The following UBE2E2 variants were observed in gnomAD, a reference collection of about 807,000 sequenced individuals.
UBE2E2 encodes ubiquitin-conjugating enzyme E2 E2.
In UBE2E2, 6 loss-of-function variants were observed where a neutral mutation model predicts 24.7. The ratio of observed to expected loss-of-function variants is 0.24; its 90% CI spans 0.13 to 0.48. The LOEUF is 0.48. Among genes scored for constraint, UBE2E2 ranks in the 20% least tolerant of loss-of-function variants. The pLI is 0.99. For synonymous variants in UBE2E2, 104 were observed against 83.6 expected (o/e 1.24, Z -1.33); for missense variants, 169 against 245.0 (o/e 0.69, Z 2.07).
At chr3:23,478,915 G>A (rs545372496) in intron 3 of UBE2E2, among the ~76,000 whole-genome samples, 1 of 150,876 alleles carries the variant, frequency 6.6e-6, no homozygotes, top group South Asian at 2.1e-4. Context: ...TTAATTAGCT[G>A]AGCATGGTGG....
intron 3 of UBE2E2, among the ~76,000 whole-genome samples, chr3:23,227,779 AGAGGGAGT>A: frequency 6.6e-6 from 1 of 152,284 alleles, no homozygotes; most frequent in African/African-American, 2.4e-5. Context: ...GTACTGTGTG[AGAGGGAGT>A]GAGGGAGCAT....
chr3:23,499,562 C>G (rs1699675043), intron 3 of UBE2E2, 46 bp from the exon 4 acceptor site: 1 of 1,572,456 alleles, frequency 6.4e-7, no homozygotes, highest in South Asian at 1.2e-5. Flanking sequence ...AAATTCCAGC[C>G]TTTATGTAAT....
At chr3:23,582,005 T>G (rs1696488102) in intron 5 of UBE2E2, among the ~76,000 whole-genome samples, 1 of 152,156 alleles carries the variant, frequency 6.6e-6, no homozygotes, top group African/African-American at 2.4e-5. Flanking sequence ...CAGTTGGTTT[T>G]GTCACCCAGG....
intron 3 of UBE2E2, among the ~76,000 whole-genome samples, chr3:23,290,336 T>C (rs1698730645): frequency 6.6e-6 from 1 of 152,214 alleles, no homozygotes. Context: ...CTAGTCTAGA[T>C]CACTGTTTCT....
intron 5 of UBE2E2, among the ~76,000 whole-genome samples, chr3:23,568,959 C>A (rs1331209289): frequency 6.6e-6 from 1 of 151,614 alleles, no homozygotes. Context: ...AGTTATAAGA[C>A]CAAGCAATCC....
At chr3:23,360,837 G>A (rs1231783546) in intron 3 of UBE2E2, among the ~76,000 whole-genome samples, 1 of 150,028 alleles carries the variant, frequency 6.7e-6, no homozygotes, top group African/African-American at 2.5e-5. Flanking sequence ...TAAATAAATG[G>A]GACCTAATTA....
At chr3:23,484,306 A>C (rs1426508906) in intron 3 of UBE2E2, among the ~76,000 whole-genome samples, 4 of 152,044 alleles carry the variant, frequency 2.6e-5, no homozygotes, top group Non-Finnish European at 1.5e-5. Context: ...TCATGTCAGA[A>C]CCTCCTGTGG....
At chr3:23,443,270 C>G (rs1033863238) in intron 3 of UBE2E2, among the ~76,000 whole-genome samples, 11 of 152,192 alleles carry the variant, frequency 7.2e-5, no homozygotes, top group African/African-American at 2.7e-4. Flanking sequence ...TGTCTTAGCT[C>G]AGCTTCCCCA....
intron 3 of UBE2E2, among the ~76,000 whole-genome samples, chr3:23,495,341 T>C (rs886831682): frequency 1.3e-5 from 2 of 152,198 alleles, no homozygotes; most frequent in Admixed American, 6.5e-5. Context: ...ACTGCTGTCT[T>C]CTGCTTCAGA....
At chr3:23,419,782 TG>T (rs1288905862) in intron 3 of UBE2E2, among the ~76,000 whole-genome samples, 2 of 152,198 alleles carry the variant, frequency 1.3e-5, no homozygotes, top group African/African-American at 4.8e-5. Context: ...AATGAGTCTT[TG>T]GTTTCAATGA....
intron 4 of UBE2E2, among the ~76,000 whole-genome samples, chr3:23,526,626 G>T (rs1695005334): frequency 6.6e-6 from 1 of 152,152 alleles, no homozygotes. Flanking sequence ...AGAGGAGATT[G>T]CTTACATTTC....
At chr3:23,508,612 C>T (rs1694510211) in intron 4 of UBE2E2, among the ~76,000 whole-genome samples, 1 of 152,174 alleles carries the variant, frequency 6.6e-6, no homozygotes, top group South Asian at 2.1e-4. Flanking sequence ...GGTGGTGAAT[C>T]AGCCACTCTG....
chr3:23,272,832 A>G (rs1309942898), intron 3 of UBE2E2, among the ~76,000 whole-genome samples: 3 of 152,170 alleles, frequency 2.0e-5, no homozygotes, highest in African/African-American at 7.2e-5. Flanking sequence ...AGCCAGTAGT[A>G]TAAGTTCTAG....
chr3:23,299,845 C>G (rs1007399346), intron 3 of UBE2E2, among the ~76,000 whole-genome samples: 37 of 152,046 alleles, frequency 2.4e-4, no homozygotes, highest in African/African-American at 8.2e-4. Context: ...TCCTTGTTAA[C>G]TTTCTGTCTC....
chr3:23,337,753 T>C (rs1476855251), intron 3 of UBE2E2, among the ~76,000 whole-genome samples: 1 of 152,196 alleles, frequency 6.6e-6, no homozygotes, highest in Admixed American at 6.5e-5. Flanking sequence ...ATGTAGAGAA[T>C]ATTGAGTGAC....
chr3:23,480,915 T>G (rs149198096), intron 3 of UBE2E2, among the ~76,000 whole-genome samples: 44 of 152,320 alleles, frequency 2.9e-4, no homozygotes, highest in African/African-American at 1.0e-3. Flanking sequence ...CGAAACTGCC[T>G]TCTTTGATTT....
intron 3 of UBE2E2, among the ~76,000 whole-genome samples, chr3:23,262,973 C>T (rs895447074): frequency 2.0e-5 from 3 of 152,048 alleles, no homozygotes; most frequent in Non-Finnish European, 4.4e-5. Flanking sequence ...GGAATTTTGC[C>T]AGCTTGTTTT....
chr3:23,381,208 G>A (rs555968947), intron 3 of UBE2E2, among the ~76,000 whole-genome samples: 57 of 152,164 alleles, frequency 3.7e-4, no homozygotes, highest in Non-Finnish European at 6.5e-4. Flanking sequence ...CATCTGTCTT[G>A]TATAGGCTTA....
chr3:23,455,458 C>G (rs939256689), intron 3 of UBE2E2, among the ~76,000 whole-genome samples: 5 of 152,220 alleles, frequency 3.3e-5, no homozygotes, highest in African/African-American at 1.2e-4. Flanking sequence ...TGGCTCATTC[C>G]TGTAATCCCA....
Sources: gnomAD v4.1 joint callset for allele counts (sites outside exome capture counted in the v4.1 genomes callset) on GRCh38, gnomAD v4.1.1 for gene constraint, MANE v1.5 for transcripts, NCBI Gene and HGNC (gene_info 2026-07-23, HGNC 2026-07-21) for gene names.